The following SGCD variants were observed in gnomAD, a reference collection of about 807,000 sequenced individuals.
SGCD encodes the protein delta-sarcoglycan.
In SGCD, 18 loss-of-function variants were observed where a neutral mutation model predicts 36.6. The observed-to-expected ratio is 0.49, with a 90% confidence interval of 0.34 to 0.73. The LOEUF is 0.73. Among genes scored for constraint, SGCD ranks in the 30% least tolerant of loss-of-function variants. SGCD has a pLI of 0.01. For synonymous variants in SGCD, 133 were observed against 130.6 expected (o/e 1.02, Z -0.12); for missense variants, 387 against 346.7 (o/e 1.12, Z -0.92).
At chr5:156,741,953 G>T (rs142666622) in intron 7 of SGCD, among the ~76,000 whole-genome samples, 79 of 151,510 alleles carry the variant, frequency 5.2e-4, no homozygotes, top group African/African-American at 1.9e-3. Flanking sequence ...TCAGCTCACT[G>T]AAAGCTCCAC....
intron 1 of SGCD, among the ~76,000 whole-genome samples, chr5:156,058,099 ATT>A (rs2127582991): frequency 6.8e-6 from 1 of 146,142 alleles, no homozygotes; most frequent in Admixed American, 6.8e-5. Context: ...GGTGAACCAA[ATT>A]ATATGGGCTT....
At chr5:156,079,444 C>T (rs980992555) in intron 1 of SGCD, among the ~76,000 whole-genome samples, 8 of 152,172 alleles carry the variant, frequency 5.3e-5, no homozygotes, top group Admixed American at 4.6e-4. Context: ...CTCATTCCAG[C>T]ATTAACTCAA....
chr5:156,624,294 CT>C (rs1443166631), intron 6 of SGCD, among the ~76,000 whole-genome samples: 1 of 152,152 alleles, frequency 6.6e-6, no homozygotes, highest in Non-Finnish European at 1.5e-5. Context: ...TCAAAAACCA[CT>C]CTTGGGCCAG....
At chr5:155,815,895 A>G in the SGCD span, among the ~76,000 whole-genome samples, 3 of 152,148 alleles carry the variant, frequency 2.0e-5, no homozygotes, top group Admixed American at 1.3e-4. Flanking sequence ...AAAAAGTCAA[A>G]TGTACACAGT....
chr5:155,888,661 G>T (rs539148937), intron 1 of SGCD, among the ~76,000 whole-genome samples: 2 of 152,260 alleles, frequency 1.3e-5, no homozygotes, highest in Admixed American at 6.5e-5. Context: ...TATTTCTTTA[G>T]ATTCTTCTCT....
At chr5:156,084,833 T>C (rs1035208738) in intron 1 of SGCD, among the ~76,000 whole-genome samples, 2 of 152,240 alleles carry the variant, frequency 1.3e-5, no homozygotes, top group African/African-American at 4.8e-5. Flanking sequence ...GGTTTTTCCG[T>C]GGATTCCTTT....
intron 3 of SGCD, among the ~76,000 whole-genome samples, chr5:156,429,937 C>G (rs114718100): frequency 0.012 from 1,761 of 152,174 alleles, 16 homozygotes; most frequent in African/African-American, 0.031. Context: ...GCTTTTTTCT[C>G]ACAGCTCCTA....
chr5:156,444,773 T>C (rs1054052070), intron 3 of SGCD, among the ~76,000 whole-genome samples: 3 of 152,098 alleles, frequency 2.0e-5, no homozygotes, highest in Non-Finnish European at 2.9e-5. Context: ...TATCTATCTA[T>C]CCACTGTAAT....
At chr5:156,358,168 AAGAC>A (rs748481504) in intron 3 of SGCD, among the ~76,000 whole-genome samples, 5 of 152,208 alleles carry the variant, frequency 3.3e-5, no homozygotes, top group African/African-American at 4.8e-5. Context: ...ATAAAACCCA[AAGAC>A]AGAGGAAAAG....
intron 3 of SGCD, among the ~76,000 whole-genome samples, chr5:156,423,877 G>A (rs1258155672): frequency 6.6e-6 from 1 of 151,894 alleles, no homozygotes; most frequent in African/African-American, 2.4e-5. Context: ...TTGTACCAAG[G>A]AGTAAGTACC....
rs112036182 is a variant in SGCD, at chr5:156,512,503, A to C, written c.294+3801A>C. ...ACACCATCTAGGTTGGTGTAAGGAC[A>C]CTCTATGATGTTCATGCAATGGCAA... On this transcript the variant is annotated intron_variant, in intron 4 of 8. Coordinates refer to ENST00000337851, the MANE Select transcript of SGCD (RefSeq NM_000337.6). Among the ~76,000 whole-genome samples the C allele has an allele frequency of 4.7e-3, 712 of 152,208 alleles. 4 individuals are homozygous for C. The highest frequency in any genetic ancestry group is 0.016 in the African/African-American group (681 of 41,538).
chr5:156,290,245 A>G (rs577536833), intron 3 of SGCD, among the ~76,000 whole-genome samples: 5 of 152,250 alleles, frequency 3.3e-5, no homozygotes, highest in African/African-American at 1.2e-4. Flanking sequence ...CTTCCCAGGT[A>G]TGTGGCTAGA....
intron 3 of SGCD, among the ~76,000 whole-genome samples, chr5:156,225,563 C>T (rs573324592): frequency 1.3e-5 from 2 of 152,220 alleles, no homozygotes; most frequent in Admixed American, 1.3e-4. Flanking sequence ...TTTAGGGCCA[C>T]TTAGTCAGCA....
At chr5:155,895,316 T>C (rs1172051963) in intron 1 of SGCD, among the ~76,000 whole-genome samples, 3 of 152,226 alleles carry the variant, frequency 2.0e-5, no homozygotes, top group African/African-American at 7.2e-5. Flanking sequence ...ATTGGATCCT[T>C]TCTCTTCAAA....
At chr5:156,260,012 A>T (rs1765816196) in intron 3 of SGCD, among the ~76,000 whole-genome samples, 1 of 152,208 alleles carries the variant, frequency 6.6e-6, no homozygotes, top group Non-Finnish European at 1.5e-5. Flanking sequence ...AGCAACACAA[A>T]ATGAATTAAG....
chr5:156,109,251 C>A (rs1284419385), intron 1 of SGCD, among the ~76,000 whole-genome samples: 4 of 152,116 alleles, frequency 2.6e-5, no homozygotes, highest in African/African-American at 7.2e-5. Context: ...TGGAAACATT[C>A]TTTTTTCCTC....
intron 3 of SGCD, among the ~76,000 whole-genome samples, chr5:156,293,339 C>G (rs1371981447): frequency 1.3e-5 from 2 of 151,878 alleles, no homozygotes; most frequent in East Asian, 3.9e-4. Flanking sequence ...CTTTTCTTGC[C>G]TTTTTAAAAT....
At chr5:156,491,361 C>A (rs550040583) in intron 3 of SGCD, among the ~76,000 whole-genome samples, 4 of 152,176 alleles carry the variant, frequency 2.6e-5, no homozygotes, top group African/African-American at 7.2e-5. Flanking sequence ...TTGTGTGTAA[C>A]CACAAAAGAC....
At chr5:155,729,902 A>C in the SGCD span, among the ~76,000 whole-genome samples, 2 of 152,162 alleles carry the variant, frequency 1.3e-5, no homozygotes, top group Admixed American at 1.3e-4. Context: ...GACTTGAGCC[A>C]TGGCCTTCCC....
Sources: gnomAD v4.1 joint callset for allele counts (sites outside exome capture counted in the v4.1 genomes callset) on GRCh38, gnomAD v4.1.1 for gene constraint, MANE v1.5 for transcripts, NCBI Gene and HGNC (gene_info 2026-07-23, HGNC 2026-07-21) for gene names.